The following ANKMY2 variants were observed in gnomAD, a reference collection of about 807,000 sequenced individuals.
ANKMY2 encodes ankyrin repeat and MYND domain-containing protein 2.
A neutral mutation model predicts 50.4 loss-of-function variants in ANKMY2; 36 were observed. That is an observed-to-expected ratio of 0.71 (90% CI 0.55 to 0.94). The LOEUF is 0.94. Among genes scored for constraint, ANKMY2 ranks in the 40% least tolerant of loss-of-function variants. ANKMY2 has a pLI of 0.00. For missense variants in ANKMY2, 565 were observed against 524.0 expected, an observed-to-expected ratio of 1.08 and a Z score of -0.76; for synonymous variants, 187 against 178.8, an observed-to-expected ratio of 1.05 and a Z score of -0.36.
intron 7 of ANKMY2, among the ~76,000 whole-genome samples, chr7:16,609,357 C>T (rs1476404212): frequency 6.6e-6 from 1 of 152,112 alleles, no homozygotes; most frequent in Non-Finnish European, 1.5e-5. Flanking sequence ...AGTGGATGTA[C>T]TTAAAATGTA....
rs1781338010 is a variant in ANKMY2, at chr7:16,615,876, G to A, written c.399C>T (p.Asn133=). 2 of 1,613,614 alleles carry A rather than the reference G, an allele frequency of 1.2e-6. No homozygotes were observed. The highest frequency in any genetic ancestry group is 1.3e-5 in the African/African-American group (1 of 74,988). The part of the protein sequence containing the change: ...VGQHDCVTII[N]NFFPRERLDY... ...CCAGTCTCTCTCGAGGAAAGAAATTGTTGATTATGGTCACACAATCATGTT... is the reference window on the plus strand; with the variant it reads ...CCAGTCTCTCTCGAGGAAAGAAATTATTGATTATGGTCACACAATCATGTT... The change falls in exon 5 of 10, where the codon AAC becomes AAT. Residue 133 remains asparagine (N), a synonymous_variant. Coordinates refer to ENST00000306999, the MANE Select transcript of ANKMY2 (RefSeq NM_020319.3).
rs202235536 is a variant in ANKMY2, at chr7:16,615,837, C to G, written c.438G>C (p.Lys146Asn). The G allele has an allele frequency of 3.1e-6, 5 of 1,614,028 alleles. No homozygotes were observed. Among genetic ancestry groups the G allele is most frequent in the Non-Finnish European group, 4.2e-6 (5 of 1,180,048 alleles). Residue 146 changes from lysine (K) to asparagine (N), a missense_variant, in exon 5 of 10, where the codon AAG (lysine) becomes AAC (asparagine). Coordinates refer to ENST00000306999, the MANE Select transcript of ANKMY2 (RefSeq NM_020319.3). Reference sequence around the variant, plus strand: ...TTGGCTCTTTATCCAGTCCCTGGGGCTTAGTGTAATAATCCAGTCTCTCTC... The same window carrying G: ...TTGGCTCTTTATCCAGTCCCTGGGGGTTAGTGTAATAATCCAGTCTCTCTC... Reference protein sequence around the residue: ...FPRERLDYYTKPQGLDKEPKL... With the variant: ...FPRERLDYYTNPQGLDKEPKL...
At chr7:16,633,989 T>C (rs1781622651) in intron 2 of ANKMY2, among the ~76,000 whole-genome samples, 1 of 152,182 alleles carries the variant, frequency 6.6e-6, no homozygotes, top group Non-Finnish European at 1.5e-5. Context: ...TCCATATAAT[T>C]ATTTTTTGCT....
At chr7:16,623,420 C>A (rs375230848) in intron 4 of ANKMY2, among the ~76,000 whole-genome samples, 1 of 152,044 alleles carries the variant, frequency 6.6e-6, no homozygotes, top group East Asian at 1.9e-4. Context: ...GTGTTAATGC[C>A]TGAAAGAAGA....
At position 16,604,924 on chromosome 7, in the gene ANKMY2, G is replaced by A. The variant is rs1583666292; in HGVS notation, c.883-75C>T. 10 of 1,396,986 alleles carry A rather than the reference G, an allele frequency of 7.2e-6. No individual in the cohort carries two copies. The East Asian group carries it at 7.2e-5, about 10-fold the overall frequency. 86.5% of individuals were successfully genotyped at this position (1,396,986 alleles called of 1,614,324 possible). On this transcript the variant is annotated intron_variant, in intron 7 of 9. Coordinates refer to ENST00000306999, the MANE Select transcript of ANKMY2 (RefSeq NM_020319.3). ...AAACACTACAGAGGTATCAGCCCAC[G>A]GACACTGCCGTCCTACAATGTGACA...
chr7:16,607,608 C>T (rs886800189), intron 7 of ANKMY2, among the ~76,000 whole-genome samples: 1 of 150,880 alleles, frequency 6.6e-6, no homozygotes, highest in African/African-American at 2.4e-5. Context: ...TCTATAAACT[C>T]TAATTACATT....
At chr7:16,643,480 T>C (rs892246740) in intron 1 of ANKMY2, among the ~76,000 whole-genome samples, 7 of 152,204 alleles carry the variant, frequency 4.6e-5, no homozygotes, top group African/African-American at 1.7e-4. Context: ...TAGGTCCACA[T>C]CAGTTCTTTT....
Position 16,625,040 on chromosome 7 carries a change from C to T in ANKMY2, c.313G>A (p.Glu105Lys). The change falls in exon 4 of 10, where the codon GAG becomes AAG. Residue 105 changes from glutamate (E) to lysine (K), a missense_variant. Physicochemically the swap from Glu to Lys is moderately conservative, Grantham distance 56. Coordinates refer to ENST00000306999, the MANE Select transcript of ANKMY2 (RefSeq NM_020319.3). ...CCCACAGAGTTGACAACATCTGTCT[C>T]AGCACCAGCTTCTAACATTACCCAT... ...ITWVMLEAGA[E>K]TDVVNSVGRT... 1.2e-6 allele frequency: 2 copies of T among 1,614,124 alleles called. No homozygotes were observed. Among genetic ancestry groups the T allele is most frequent in the Non-Finnish European group, 1.7e-6 (2 of 1,179,994 alleles).
Position 16,600,923 on chromosome 7 carries a change from A to G in ANKMY2, c.1164T>C (p.Ser388=), listed in dbSNP as rs140918019. 2.5e-6 allele frequency: 4 copies of G among 1,597,898 alleles called. No homozygotes were observed. The highest frequency in any genetic ancestry group is 3.4e-6 in the Non-Finnish European group (4 of 1,172,780). ...EENHGKLDVN[S]NCVNEEQPEA... ...CTGGTTGCTCTTCATTAACACAGTT[A>G]GAATTGACATCAAGTTTGCCGTCTG... Residue 388 remains serine (S), a synonymous_variant, in exon 10 of 10, where the codon TCT becomes TCC. Transcript: ENST00000306999.
At chr7:16,610,268 C>T (rs1480544960) in intron 6 of ANKMY2, among the ~76,000 whole-genome samples, 3 of 152,140 alleles carry the variant, frequency 2.0e-5, no homozygotes, top group Non-Finnish European at 2.9e-5. Context: ...GCCACTTTCT[C>T]GCGGTGTGAT....
intron 2 of ANKMY2, among the ~76,000 whole-genome samples, chr7:16,629,509 C>T (rs1458515245): frequency 6.6e-6 from 1 of 151,902 alleles, no homozygotes; most frequent in Non-Finnish European, 1.5e-5. Context: ...GCACTCCAGC[C>T]TGGGCGACAG....
At chr7:16,640,942 T>C (rs1312460973) in intron 1 of ANKMY2, among the ~76,000 whole-genome samples, 1 of 152,218 alleles carries the variant, frequency 6.6e-6, no homozygotes. Flanking sequence ...AGTGTTTACG[T>C]ATAAGTAAAA....
At chr7:16,607,668 CTTTTT>C (rs60554872) in intron 7 of ANKMY2, among the ~76,000 whole-genome samples, 5 of 126,152 alleles carry the variant, frequency 4.0e-5, no homozygotes, top group African/African-American at 6.2e-5. Flanking sequence ...TATTGACCTG[CTTTTT>C]TTTTTTTTTT....
Position 16,615,025 on chromosome 7 carries a change from A to G in ANKMY2, c.531+719T>C, listed in dbSNP as rs185494649. Reference sequence around the variant, plus strand: ...CTGTATTTTTAAAATCTGGAAGACAATAGCAGTGAAATATTTCAGAATAGC... The same window carrying G: ...CTGTATTTTTAAAATCTGGAAGACAGTAGCAGTGAAATATTTCAGAATAGC... On this transcript the variant is annotated intron_variant, in intron 5 of 9. Transcript: ENST00000306999. Among the ~76,000 whole-genome samples the G allele has an allele frequency of 2.0e-5, 3 of 152,334 alleles. No individual in the cohort carries two copies. The East Asian group carries it at 5.8e-4, about 29-fold the overall frequency.
intron 8 of ANKMY2, chr7:16,603,555 C>A (rs1317119569): frequency 2.2e-6 from 1 of 463,310 alleles, no homozygotes; most frequent in Non-Finnish European, 4.5e-6. Context: ...TTACTGTATG[C>A]CAAGCACTGT....
intron 1 of ANKMY2, among the ~76,000 whole-genome samples, chr7:16,643,326 T>C (rs1410305722): frequency 6.6e-6 from 1 of 152,218 alleles, no homozygotes; most frequent in East Asian, 1.9e-4. Flanking sequence ...TTAATATATG[T>C]AAAGTACTTA....
intron 2 of ANKMY2, among the ~76,000 whole-genome samples, chr7:16,634,097 T>C (rs1781623931): frequency 6.6e-6 from 1 of 152,196 alleles, no homozygotes; most frequent in Admixed American, 6.5e-5. Flanking sequence ...TGAAGTTCAA[T>C]GAACTTTTTA....
chr7:16,630,920 T>C (rs1018099359), intron 2 of ANKMY2, among the ~76,000 whole-genome samples: 4 of 152,150 alleles, frequency 2.6e-5, no homozygotes, highest in African/African-American at 4.8e-5. Flanking sequence ...GCAAAAAACT[T>C]TGTGCTGTGT....
intron 1 of ANKMY2, among the ~76,000 whole-genome samples, chr7:16,639,991 C>T (rs1781723632): frequency 6.6e-6 from 1 of 150,814 alleles, no homozygotes; most frequent in Non-Finnish European, 1.5e-5. Flanking sequence ...GAAACCCCAT[C>T]TCTACTAAAA....
Sources: allele counts gnomAD v4.1 joint callset (sites outside exome capture counted in the v4.1 genomes callset), GRCh38; gene constraint gnomAD v4.1.1; transcripts MANE v1.5; gene names NCBI Gene and HGNC (gene_info 2026-07-23, HGNC 2026-07-21).